KHDRBS2: variants seen among roughly 807,000 people sequenced by gnomAD.
KHDRBS2 encodes the protein KH RNA binding domain containing, signal transduction associated 2.
KHDRBS2 carries 26 observed loss-of-function variants against 44.3 expected under a neutral mutation model. The ratio of observed to expected loss-of-function variants is 0.59; its 90% confidence interval spans 0.43 to 0.81. The LOEUF (loss-of-function observed/expected upper bound fraction) is 0.81. KHDRBS2 is among the 40% of genes least tolerant of loss of function. The pLI, the probability that KHDRBS2 is intolerant of heterozygous loss-of-function variation, is 0.00. For synonymous variants in KHDRBS2, 194 were observed against 151.1 expected (o/e 1.28, Z -2.08); for missense variants, 476 against 433.1 (o/e 1.10, Z -0.88).
chr6:61,601,260 C>T, the KHDRBS2 span, among the ~76,000 whole-genome samples: 1 of 152,016 alleles, frequency 6.6e-6, no homozygotes, highest in South Asian at 2.1e-4. Context: ...CAGGCACCCC[C>T]CACCCCTTCT....
chr6:62,256,400 A>G (rs1333374941), intron 1 of KHDRBS2, among the ~76,000 whole-genome samples: 1 of 151,940 alleles, frequency 6.6e-6, no homozygotes, highest in Non-Finnish European at 1.5e-5. Context: ...GTAGGAGGTA[A>G]TTAAATCATG....
the KHDRBS2 span, among the ~76,000 whole-genome samples, chr6:61,580,680 A>G: frequency 3.9e-5 from 6 of 152,180 alleles, no homozygotes; most frequent in East Asian, 1.2e-3. Context: ...CACCAGAAGG[A>G]AAAAATAACT....
At chr6:61,955,717 T>TGAAA (rs1329614153) in intron 4 of KHDRBS2, among the ~76,000 whole-genome samples, 1 of 124,552 alleles carries the variant, frequency 8.0e-6, no homozygotes, top group Non-Finnish European at 1.7e-5. Context: ...CACATATGTA[T>TGAAA]GTATACATAT....
intron 1 of KHDRBS2, among the ~76,000 whole-genome samples, chr6:62,186,912 T>A (rs1222704092): frequency 1.3e-5 from 2 of 152,132 alleles, no homozygotes; most frequent in African/African-American, 4.8e-5. Flanking sequence ...TTTCTTTGAA[T>A]GTATTCAGTG....
chr6:62,283,239 T>G (rs536772920), intron 1 of KHDRBS2, among the ~76,000 whole-genome samples: 1 of 152,120 alleles, frequency 6.6e-6, no homozygotes, highest in Non-Finnish European at 1.5e-5. Flanking sequence ...ATCATTCTCA[T>G]TGAAAACACA....
the KHDRBS2 span, among the ~76,000 whole-genome samples, chr6:61,603,938 C>T: frequency 2.6e-5 from 4 of 152,122 alleles, no homozygotes; most frequent in Admixed American, 6.5e-5. Context: ...TTATTGATGG[C>T]GGTTCCACCA....
chr6:61,717,231 A>G (rs1447684165), intron 7 of KHDRBS2, among the ~76,000 whole-genome samples: 1 of 152,090 alleles, frequency 6.6e-6, no homozygotes, highest in Admixed American at 6.6e-5. Flanking sequence ...TTAATTAAAA[A>G]TCGACAAATA....
At chr6:61,784,820 T>C (rs1783532652) in intron 6 of KHDRBS2, among the ~76,000 whole-genome samples, 1 of 152,088 alleles carries the variant, frequency 6.6e-6, no homozygotes, top group South Asian at 2.1e-4. Context: ...AATATTAGGA[T>C]TTTTAAGTTG....
intron 3 of KHDRBS2, among the ~76,000 whole-genome samples, chr6:62,042,409 G>T (rs75998922): frequency 0.046 from 7,038 of 152,136 alleles, 210 homozygotes; most frequent in African/African-American, 0.073. Context: ...GATCTACTGT[G>T]CAGTTCATTA....
downstream of KHDRBS2, among the ~76,000 whole-genome samples, chr6:61,676,494 T>A (rs188927881): frequency 2.0e-5 from 3 of 151,916 alleles, no homozygotes; most frequent in East Asian, 5.9e-4. Context: ...GAGCAGCTGA[T>A]CTTCTCACCT....
the KHDRBS2 span, among the ~76,000 whole-genome samples, chr6:61,563,396 C>T: frequency 2.6e-5 from 4 of 152,016 alleles, no homozygotes; most frequent in African/African-American, 7.2e-5. Context: ...TTTAAACCTC[C>T]TTAATTTTAG....
chr6:61,611,738 A>G, the KHDRBS2 span, among the ~76,000 whole-genome samples: 6 of 152,114 alleles, frequency 3.9e-5, no homozygotes, highest in Admixed American at 1.3e-4. Flanking sequence ...CAAAATTTCA[A>G]CTTTTATTTT....
chr6:61,938,284 G>T (rs1811424683), intron 4 of KHDRBS2, among the ~76,000 whole-genome samples: 2 of 152,072 alleles, frequency 1.3e-5, no homozygotes, highest in African/African-American at 4.8e-5. Flanking sequence ...ACATAAAAAG[G>T]TTTCATGGAA....
At chr6:61,945,722 T>C (rs1270024914) in intron 4 of KHDRBS2, among the ~76,000 whole-genome samples, 1 of 151,798 alleles carries the variant, frequency 6.6e-6, no homozygotes, top group Non-Finnish European at 1.5e-5. Context: ...AATAGAAATG[T>C]CTTAGATATA....
intron 8 of KHDRBS2, among the ~76,000 whole-genome samples, chr6:61,681,783 A>G (rs1457595274): frequency 5.3e-5 from 8 of 151,934 alleles, no homozygotes; most frequent in Non-Finnish European, 1.5e-5. Flanking sequence ...TATTCCAAAA[A>G]AGCAAGAAAC....
intron 1 of KHDRBS2, among the ~76,000 whole-genome samples, chr6:62,264,745 G>T (rs1838920773): frequency 6.6e-6 from 1 of 151,444 alleles, no homozygotes; most frequent in Admixed American, 6.6e-5. Flanking sequence ...TACATATTTT[G>T]AATCATATAT....
At chr6:62,180,994 A>G (rs1185286609) in intron 1 of KHDRBS2, among the ~76,000 whole-genome samples, 3 of 149,428 alleles carry the variant, frequency 2.0e-5, no homozygotes, top group Non-Finnish European at 1.5e-5. Flanking sequence ...CACATGCACA[A>G]CAATAAAATT....
chr6:61,953,970 C>G (rs760360607), intron 4 of KHDRBS2, among the ~76,000 whole-genome samples: 1 of 152,016 alleles, frequency 6.6e-6, no homozygotes, highest in African/African-American at 2.4e-5. Context: ...AAAAAAGAGA[C>G]CAGAAAAGGA....
At chr6:62,138,064 C>T (rs1354473611) in intron 2 of KHDRBS2, among the ~76,000 whole-genome samples, 4 of 152,256 alleles carry the variant, frequency 2.6e-5, no homozygotes, top group Non-Finnish European at 4.4e-5. Context: ...TTTTAACTGA[C>T]GTGTGGGCTG....
Sources: gnomAD v4.1 joint callset for allele counts (sites outside exome capture counted in the v4.1 genomes callset) on GRCh38, gnomAD v4.1.1 for gene constraint, MANE v1.5 for transcripts, NCBI Gene and HGNC (gene_info 2026-07-23, HGNC 2026-07-21) for gene names.